ENOX1: variants seen among roughly 807,000 people sequenced by gnomAD.
ENOX1 encodes ecto-NOX disulfide-thiol exchanger 1.
ENOX1 carries 42 observed loss-of-function variants against 82.5 expected under a neutral mutation model. The observed-to-expected ratio is 0.51, with a 90% CI of 0.40 to 0.66. ENOX1 has a LOEUF of 0.66. Ranked by LOEUF, ENOX1 falls within the 30% of genes least tolerant of loss-of-function variation. The pLI is 0.00. For synonymous variants in ENOX1, 271 were observed against 282.2 expected (o/e 0.96, Z 0.40); for missense variants, 608 against 811.6 (o/e 0.75, Z 3.05).
chr13:43,486,037 C>T (rs1458959510), intron 2 of ENOX1, among the ~76,000 whole-genome samples: 2 of 152,094 alleles, frequency 1.3e-5, no homozygotes, highest in African/African-American at 2.4e-5. Flanking sequence ...TGTGAAAGCC[C>T]GTCTCTACTA....
chr13:43,662,429 G>A (rs1167043633), intron 2 of ENOX1, among the ~76,000 whole-genome samples: 1 of 152,140 alleles, frequency 6.6e-6, no homozygotes, highest in East Asian at 1.9e-4. Context: ...GTCACTCACT[G>A]TCAAAGACAA....
At chr13:43,305,398 T>C (rs557122222) in intron 11 of ENOX1, among the ~76,000 whole-genome samples, 2 of 152,148 alleles carry the variant, frequency 1.3e-5, no homozygotes, top group South Asian at 4.2e-4. Flanking sequence ...ACATTAGCTA[T>C]TATTAGGGAA....
At chr13:43,617,652 T>A (rs2153743995) in intron 2 of ENOX1, among the ~76,000 whole-genome samples, 2 of 152,328 alleles carry the variant, frequency 1.3e-5, no homozygotes, top group Middle Eastern at 6.8e-3. Flanking sequence ...GGTTCCACAA[T>A]TTCGCAATTG....
intron 5 of ENOX1, among the ~76,000 whole-genome samples, chr13:43,403,695 A>G (rs112725533): frequency 1.3e-5 from 2 of 152,116 alleles, no homozygotes; most frequent in Non-Finnish European, 2.9e-5. Context: ...CTAAACATAC[A>G]AAAAATTAGC....
chr13:43,564,471 C>T (rs186208408), intron 2 of ENOX1, among the ~76,000 whole-genome samples: 4 of 151,866 alleles, frequency 2.6e-5, no homozygotes, highest in South Asian at 4.2e-4. Flanking sequence ...GAGGAATAGA[C>T]GGAATTTGAG....
At chr13:43,718,528 C>G (rs1285787267) in intron 1 of ENOX1, among the ~76,000 whole-genome samples, 3 of 151,782 alleles carry the variant, frequency 2.0e-5, no homozygotes, top group South Asian at 2.1e-4. Context: ...ACCCTTTCAT[C>G]TATAATAAAA....
At position 43,667,497 on chromosome 13, in the gene ENOX1, C is replaced by G; in HGVS notation, c.-237G>C. 1.1e-5 allele frequency: 11 copies of G among 985,496 alleles called. No individual in the cohort carries two copies. The highest frequency in any genetic ancestry group is 1.3e-5 in the Non-Finnish European group (11 of 829,906). 61.0% of individuals were successfully genotyped at this position (985,496 alleles called of 1,614,324 possible). A position where few individuals can be genotyped will look rare whatever the true frequency, so the allele number is the denominator to read the frequency against. On this transcript the variant is annotated 5_prime_UTR_variant, in exon 2 of 17. Transcript: ENST00000690772. ...CCTTTACCTGAGCATGGTGAGCTCT[C>G]TCTCCTCCACATATTATAAATACGA...
intron 2 of ENOX1, among the ~76,000 whole-genome samples, chr13:43,522,187 G>C (rs1321554689): frequency 1.3e-5 from 2 of 152,058 alleles, no homozygotes; most frequent in African/African-American, 2.4e-5. Context: ...GGATTAGCTA[G>C]ATTCAGATAA....
In ENOX1 at chr13:43,271,666, A is replaced by AACACACAC. The variant is rs5803169; in HGVS notation, c.1447-2097_1447-2090dup. Among the ~76,000 whole-genome samples, 13 of 150,036 alleles carry AACACACAC rather than the reference A, an allele frequency of 8.7e-5. No homozygotes were observed. In the East Asian group the frequency reaches 1.8e-3, roughly 21 times the overall value. On this transcript the variant is annotated intron_variant, in intron 12 of 16. Coordinates refer to ENST00000690772, the MANE Select transcript of ENOX1 (RefSeq NM_001347969.2). ...CACTTACAACTCTTCCTTCTATTAA[A>AACACACAC]ACACACACACACACACACACAAGCA...
intron 2 of ENOX1, among the ~76,000 whole-genome samples, chr13:43,584,899 T>C (rs553788241): frequency 2.0e-5 from 3 of 152,306 alleles, no homozygotes; most frequent in Non-Finnish European, 4.4e-5. Context: ...GATACCCAGC[T>C]GTCCCAGTTT....
At chr13:43,720,053 G>A (rs908756896) in intron 1 of ENOX1, among the ~76,000 whole-genome samples, 1 of 152,080 alleles carries the variant, frequency 6.6e-6, no homozygotes, top group Non-Finnish European at 1.5e-5. Flanking sequence ...ATAAGACAGA[G>A]AACAGTGTTT....
chr13:43,323,462 G>A (rs1436428849), intron 10 of ENOX1, among the ~76,000 whole-genome samples: 2 of 152,164 alleles, frequency 1.3e-5, no homozygotes, highest in Non-Finnish European at 2.9e-5. Flanking sequence ...AAAACTCATT[G>A]TAAAGATTAA....
chr13:43,263,629 C>T (rs943640772), intron 14 of ENOX1, among the ~76,000 whole-genome samples: 1 of 152,242 alleles, frequency 6.6e-6, no homozygotes, highest in Non-Finnish European at 1.5e-5. Context: ...ATAATCAAAA[C>T]ATCTTAGCTA....
rs1344171269 is a variant in ENOX1 at position 43,740,689 on chromosome 13, A to C, written c.-285+45963T>G. 2.6e-5 allele frequency among the ~76,000 whole-genome samples: 4 copies of C among 151,982 alleles called. No homozygotes were observed. In the East Asian group the frequency reaches 7.7e-4, roughly 29 times the overall value. On this transcript the variant is annotated intron_variant, in intron 1 of 16. Transcript: ENST00000690772. ...CCCATATCCATCAGCAGTCACTTCAACCTCCACCCCAAACTCTTGGTCCCA... is the reference window on the plus strand; with the variant it reads ...CCCATATCCATCAGCAGTCACTTCACCCTCCACCCCAAACTCTTGGTCCCA...
chr13:43,229,898 C>T (rs771162244), intron 15 of ENOX1, among the ~76,000 whole-genome samples: 37 of 152,110 alleles, frequency 2.4e-4, no homozygotes, highest in Non-Finnish European at 4.6e-4. Context: ...AAAGGGGAAT[C>T]GGGAGTTCTG....
At chr13:43,728,049 C>T (rs2089098728) in intron 1 of ENOX1, among the ~76,000 whole-genome samples, 1 of 152,184 alleles carries the variant, frequency 6.6e-6, no homozygotes, top group South Asian at 2.1e-4. Context: ...AATTTAATAC[C>T]CCTTGGGCTT....
intron 1 of ENOX1, among the ~76,000 whole-genome samples, chr13:43,719,965 G>C (rs143304232): frequency 1.3e-5 from 2 of 152,040 alleles, no homozygotes; most frequent in Non-Finnish European, 2.9e-5. Context: ...CCTACAGCAG[G>C]TTCACCTAAT....
At chr13:43,290,364 T>C (rs1234841127) in intron 12 of ENOX1, among the ~76,000 whole-genome samples, 1 of 146,134 alleles carries the variant, frequency 6.8e-6, no homozygotes, top group Non-Finnish European at 1.5e-5. Flanking sequence ...GAAGATGGGA[T>C]ATACATATAT....
rs1235170673 is a variant in ENOX1 at position 43,283,750 on chromosome 13, C to CTAT, written c.1447-14176_1447-14174dup. Among the ~76,000 whole-genome samples the CTAT allele has an allele frequency of 4.0e-5, 6 of 151,726 alleles. No homozygotes were observed. The South Asian group carries it at 1.3e-3, about 32-fold the overall frequency. ...ACAAGTGTTAGCAACTGTACCTGGCCTATTTTTTTTTCAATAGAAATTGGA... is the reference window on the plus strand; with the variant it reads ...ACAAGTGTTAGCAACTGTACCTGGCCTATTATTTTTTTTTCAATAGAAATTGGA... On this transcript the variant is annotated intron_variant, in intron 12 of 16. Coordinates refer to ENST00000690772, the MANE Select transcript of ENOX1 (RefSeq NM_001347969.2).
Sources: allele counts gnomAD v4.1 joint callset (sites outside exome capture counted in the v4.1 genomes callset), GRCh38; gene constraint gnomAD v4.1.1; transcripts MANE v1.5; gene names NCBI Gene and HGNC (gene_info 2026-07-23, HGNC 2026-07-21).